KCNMB2: variants seen among roughly 807,000 people sequenced by gnomAD.
KCNMB2 encodes potassium calcium-activated channel subfamily M regulatory beta subunit 2, also known as calcium-activated potassium channel subunit beta-2.
Under a neutral mutation model 24.5 loss-of-function variants are expected in KCNMB2, and 9 were observed. The ratio of observed to expected loss-of-function variants is 0.37; its 90% CI spans 0.22 to 0.64. The LOEUF (loss-of-function observed/expected upper bound fraction) is 0.64, where lower values mean the gene tolerates loss of function less well. Among genes scored for constraint, KCNMB2 ranks in the 30% least tolerant of loss-of-function variants. The pLI is 0.63. For synonymous variants in KCNMB2, 109 were observed against 104.4 expected, an observed-to-expected ratio of 1.04 and a Z score of -0.27; for missense variants, 226 against 284.3, an observed-to-expected ratio of 0.79 and a Z score of 1.47.
At chr3:178,598,205 C>T (rs1197659396) in intron 1 of KCNMB2, among the ~76,000 whole-genome samples, 1 of 151,960 alleles carries the variant, frequency 6.6e-6, no homozygotes, top group Non-Finnish European at 1.5e-5. Flanking sequence ...GGAGTAGTTC[C>T]GTATATAAAA....
intron 1 of KCNMB2, among the ~76,000 whole-genome samples, chr3:178,760,234 A>C (rs1376935015): frequency 1.5e-5 from 1 of 68,302 alleles, no homozygotes; most frequent in Non-Finnish European, 2.6e-5. Context: ...ATATAGATAT[A>C]TCCAAGAGGA....
intron 1 of KCNMB2, among the ~76,000 whole-genome samples, chr3:178,547,696 T>C (rs777602743): frequency 6.6e-6 from 1 of 152,194 alleles, no homozygotes; most frequent in Non-Finnish European, 1.5e-5. Context: ...CTGGGTTCTT[T>C]ATCTTCTCTT....
intron 1 of KCNMB2, among the ~76,000 whole-genome samples, chr3:178,740,006 C>T (rs1019783384): frequency 6.6e-6 from 1 of 152,076 alleles, no homozygotes; most frequent in Non-Finnish European, 1.5e-5. Context: ...GACAAATCTT[C>T]CTATTTTTCA....
At chr3:178,758,739 GAT>G (rs543563641) in intron 1 of KCNMB2, among the ~76,000 whole-genome samples, 1 of 9,442 alleles carries the variant, frequency 1.1e-4, no homozygotes, top group South Asian at 2.6e-3. Flanking sequence ...TCCAAGAGGA[GAT>G]ATATATATAT....
intron 1 of KCNMB2, among the ~76,000 whole-genome samples, chr3:178,657,015 G>A (rs1319210307): frequency 2.6e-5 from 4 of 152,086 alleles, no homozygotes; most frequent in African/African-American, 9.7e-5. Context: ...TACTATGCTG[G>A]CCCTCCGCCA....
chr3:178,695,989 C>T (rs1721860006), intron 1 of KCNMB2, among the ~76,000 whole-genome samples: 1 of 152,192 alleles, frequency 6.6e-6, no homozygotes. Flanking sequence ...CAAAGACTCA[C>T]CTGAGACTGG....
chr3:178,632,224 T>C (rs1241421526), intron 1 of KCNMB2, among the ~76,000 whole-genome samples: 1 of 151,982 alleles, frequency 6.6e-6, no homozygotes, highest in Non-Finnish European at 1.5e-5. Context: ...CAACAAACAA[T>C]AACATTACAG....
At chr3:178,681,211 C>G (rs1721259840) in intron 1 of KCNMB2, among the ~76,000 whole-genome samples, 1 of 152,228 alleles carries the variant, frequency 6.6e-6, no homozygotes, top group South Asian at 2.1e-4. Context: ...CATCATCTCA[C>G]ACTTACTAAT....
chr3:178,811,047 C>G (rs946228770), intron 2 of KCNMB2, among the ~76,000 whole-genome samples: 1 of 151,810 alleles, frequency 6.6e-6, no homozygotes. Context: ...CCACCACACC[C>G]GGCCCGATCC....
rs111897188 is a variant in KCNMB2 at position 178,702,167 on chromosome 3, C to T, written c.-67-105176C>T. 1.7e-3 allele frequency among the ~76,000 whole-genome samples: 259 copies of T among 151,066 alleles called. 1 individual carries two copies. The highest frequency in any genetic ancestry group is 6.0e-3 in the African/African-American group (247 of 41,182). On this transcript the variant is annotated intron_variant, in intron 1 of 4. Transcript: ENST00000452583. ...TGAAGCTGGAAACCATCATTCTCAG[C>T]AAACTATCACAAGGACAAAAAACCA...
rs539527690 is a variant in KCNMB2, at chr3:178,586,106, G to A, written c.-68+49395G>A. ...TACCCTGTCTCTTGCTCTTTGCCTC[G>A]TTTACATAGGCTGGGGCAACTGGGA... is the stretch of plus-strand genomic sequence containing the variant. On this transcript the variant is annotated intron_variant, in intron 1 of 4. Coordinates refer to ENST00000452583, the MANE Select transcript of KCNMB2 (RefSeq NM_181361.3). Among the ~76,000 whole-genome samples, 35 of 152,236 alleles carry A rather than the reference G, an allele frequency of 2.3e-4. No individual in the cohort carries two copies. In the South Asian group the frequency reaches 4.8e-3, roughly 21 times the overall value.
At position 178,580,360 on chromosome 3, in the gene KCNMB2, A is replaced by G. The variant is rs996024394; in HGVS notation, c.-68+43649A>G. On this transcript the variant is annotated intron_variant, in intron 1 of 4. Transcript: ENST00000452583. ...AAAACTCAATAAACTAGGTATTGATACAATGTATCAAAATAATAAGAGCTA... is the reference window on the plus strand; with the variant it reads ...AAAACTCAATAAACTAGGTATTGATGCAATGTATCAAAATAATAAGAGCTA... 2.6e-4 allele frequency among the ~76,000 whole-genome samples: 39 copies of G among 152,036 alleles called. 1 individual carries two copies. Among genetic ancestry groups the G allele is most frequent in the African/African-American group, 7.9e-4 (33 of 41,546 alleles).
intron 1 of KCNMB2, among the ~76,000 whole-genome samples, chr3:178,686,169 G>A (rs1359240620): frequency 6.6e-6 from 1 of 152,154 alleles, no homozygotes; most frequent in Non-Finnish European, 1.5e-5. Flanking sequence ...ATTGATGGCT[G>A]AGGCCTCTAT....
At chr3:178,792,101 CATTGTA>C (rs1225690520) in intron 1 of KCNMB2, among the ~76,000 whole-genome samples, 1 of 152,088 alleles carries the variant, frequency 6.6e-6, no homozygotes, top group East Asian at 1.9e-4. Context: ...AATATTAGAA[CATTGTA>C]ATTGTGGTAT....
chr3:178,827,854 G>A (rs1560037898), intron 3 of KCNMB2, among the ~76,000 whole-genome samples: 1 of 152,190 alleles, frequency 6.6e-6, no homozygotes, highest in Non-Finnish European at 1.5e-5. Flanking sequence ...GAAATACAGG[G>A]TGAGGACAGG....
At position 178,592,765 on chromosome 3, in the gene KCNMB2, G is replaced by A. The variant is rs376670242; in HGVS notation, c.-68+56054G>A. On this transcript the variant is annotated intron_variant, in intron 1 of 4. Coordinates refer to ENST00000452583, the MANE Select transcript of KCNMB2 (RefSeq NM_181361.3). ...AAAGTATGGCACATAGACCATCTACGTTAGCATCACTGCAGTGAGGTATTT... is the reference window on the plus strand; with the variant it reads ...AAAGTATGGCACATAGACCATCTACATTAGCATCACTGCAGTGAGGTATTT... 4.4e-4 allele frequency among the ~76,000 whole-genome samples: 67 copies of A among 152,160 alleles called. No individual in the cohort carries two copies. The South Asian group carries it at 0.01, about 24-fold the overall frequency.
At chr3:178,789,923 G>A (rs1426418525) in intron 1 of KCNMB2, among the ~76,000 whole-genome samples, 2 of 151,838 alleles carry the variant, frequency 1.3e-5, no homozygotes, top group Non-Finnish European at 2.9e-5. Context: ...GACACCATCC[G>A]GGGCAACTAA....
At chr3:178,792,238 A>G (rs1461288000) in intron 1 of KCNMB2, among the ~76,000 whole-genome samples, 1 of 152,214 alleles carries the variant, frequency 6.6e-6, no homozygotes, top group African/African-American at 2.4e-5. Flanking sequence ...AAAGTTTAAA[A>G]GTGGGATGAA....
intron 1 of KCNMB2, among the ~76,000 whole-genome samples, chr3:178,713,387 T>C (rs1489064886): frequency 1.3e-5 from 2 of 152,342 alleles, no homozygotes; most frequent in African/African-American, 2.4e-5. Flanking sequence ...GAATGTTTAA[T>C]GGGCAGACAA....
Sources: allele counts gnomAD v4.1 joint callset (sites outside exome capture counted in the v4.1 genomes callset), GRCh38; gene constraint gnomAD v4.1.1; transcripts MANE v1.5; gene names NCBI Gene and HGNC (gene_info 2026-07-23, HGNC 2026-07-21).